ARHGAP18: variants seen among roughly 807,000 people sequenced by gnomAD.
The protein encoded by ARHGAP18 is rho GTPase-activating protein 18.
In ARHGAP18, 67 loss-of-function variants were observed where a neutral mutation model predicts 86.2. That is an observed-to-expected ratio of 0.78 (90% CI 0.64 to 0.95). The LOEUF is 0.95. ARHGAP18 is among the 40% of genes least tolerant of loss of function. ARHGAP18 has a pLI of 0.00. For missense variants in ARHGAP18, 691 were observed against 780.4 expected (o/e 0.89, Z 1.37); for synonymous variants, 283 against 280.4 (o/e 1.01, Z -0.09).
intron 4 of ARHGAP18, among the ~76,000 whole-genome samples, 186 bp from the exon 5 acceptor site, chr6:129,629,708 G>A (rs1006376366): frequency 6.6e-6 from 1 of 152,172 alleles, no homozygotes; most frequent in Non-Finnish European, 1.5e-5. Flanking sequence ...GAAGTGGGCA[G>A]GGAGACTGTG....
Position 129,637,120 on chromosome 6 carries a change from G to A in ARHGAP18, c.552+1274C>T, listed in dbSNP as rs541204160. ...CACTTTGTCACCCAGCCTGGAGTGC[G>A]GTGGCATGAACACAGCTCACTGCAG... On this transcript the variant is annotated intron_variant, in intron 3 of 14. Transcript: ENST00000368149. Among the ~76,000 whole-genome samples, 10 of 151,616 alleles carry A rather than the reference G, an allele frequency of 6.6e-5. No individual in the cohort carries two copies. The South Asian group carries it at 1.7e-3, about 25-fold the overall frequency.
At chr6:129,681,065 G>T (rs1023478048) in intron 1 of ARHGAP18, among the ~76,000 whole-genome samples, 1 of 152,080 alleles carries the variant, frequency 6.6e-6, no homozygotes, top group African/African-American at 2.4e-5. Context: ...TCCTTAATCA[G>T]AAGTTTTTTT....
intron 2 of ARHGAP18, among the ~76,000 whole-genome samples, chr6:129,640,067 A>C (rs1038925833): frequency 1.3e-5 from 2 of 150,826 alleles, no homozygotes; most frequent in African/African-American, 4.9e-5. Flanking sequence ...AAAAAAAACA[A>C]ACAAAAGTCA....
chr6:129,708,261 G>A (rs1428781590), intron 1 of ARHGAP18, among the ~76,000 whole-genome samples: 1 of 152,138 alleles, frequency 6.6e-6, no homozygotes, highest in African/African-American at 2.4e-5. Flanking sequence ...GGGAAGTTGG[G>A]TCTGGTATGG....
chr6:129,603,019 T>C (rs1334437757), intron 10 of ARHGAP18, among the ~76,000 whole-genome samples: 2 of 150,292 alleles, frequency 1.3e-5, no homozygotes, highest in African/African-American at 2.4e-5. Context: ...TCAATAGTTT[T>C]TGGGATATAG....
chr6:129,638,648 G>A lies in ARHGAP18; in HGVS notation c.317-19C>T, dbSNP rs1773384798. 1 of 1,596,280 alleles carries A rather than the reference G, an allele frequency of 6.3e-7. No homozygotes were observed. The highest frequency in any genetic ancestry group is 1.1e-5 in the South Asian group (1 of 87,916). The stretch of plus-strand genomic sequence containing the variant: ...TCTCCCTCTAAGACAGTAGAGAAAA[G>A]TGGTACTTAAATCACAAAATATAAC... On this transcript the variant is annotated intron_variant, in intron 2 of 14. Transcript: ENST00000368149.
intron 6 of ARHGAP18, among the ~76,000 whole-genome samples, chr6:129,616,898 G>A (rs758608008): frequency 4.6e-5 from 7 of 152,152 alleles, no homozygotes; most frequent in Non-Finnish European, 8.8e-5. Flanking sequence ...TGAGGCTACG[G>A]TGAGCCGTCA....
intron 1 of ARHGAP18, among the ~76,000 whole-genome samples, chr6:129,666,992 C>A (rs989417522): frequency 2.0e-5 from 3 of 150,956 alleles, no homozygotes; most frequent in Non-Finnish European, 4.4e-5. Flanking sequence ...TACAAATACT[C>A]CTTTGTTAAA....
intron 1 of ARHGAP18, among the ~76,000 whole-genome samples, chr6:129,683,197 G>A (rs865887383): frequency 3.3e-5 from 5 of 151,492 alleles, no homozygotes; most frequent in South Asian, 2.1e-4. Flanking sequence ...TCAGCCTCCC[G>A]AGTAGCTGGG....
At chr6:129,612,409 C>T (rs1395730666) in intron 7 of ARHGAP18, among the ~76,000 whole-genome samples, 2 of 152,160 alleles carry the variant, frequency 1.3e-5, no homozygotes, top group Non-Finnish European at 2.9e-5. Context: ...CATTTCCTAG[C>T]ATCATATAGG....
intron 1 of ARHGAP18, among the ~76,000 whole-genome samples, chr6:129,650,928 G>A (rs891185694): frequency 3.3e-5 from 5 of 152,064 alleles, no homozygotes; most frequent in African/African-American, 7.2e-5. Flanking sequence ...CAGCCTCCCC[G>A]CATTCCTTAC....
At chr6:129,622,459 A>T (rs940913771) in intron 5 of ARHGAP18, among the ~76,000 whole-genome samples, 1 of 152,218 alleles carries the variant, frequency 6.6e-6, no homozygotes, top group Non-Finnish European at 1.5e-5. Context: ...CTGAAATATT[A>T]TTAATTCAAA....
chr6:129,601,809 A>C (rs1409075232), intron 10 of ARHGAP18, among the ~76,000 whole-genome samples: 1 of 147,234 alleles, frequency 6.8e-6, no homozygotes, highest in East Asian at 1.9e-4. Flanking sequence ...TTGATTTTTC[A>C]TAGAGGCAAA....
intron 12 of ARHGAP18, among the ~76,000 whole-genome samples, chr6:129,592,824 C>G (rs966095466): frequency 6.6e-6 from 1 of 151,974 alleles, no homozygotes; most frequent in African/African-American, 2.4e-5. Flanking sequence ...TCTTAGTAGG[C>G]AGAGATGCAA....
chr6:129,608,064 G>GAAAAA lies in ARHGAP18; in HGVS notation c.1123-17_1123-13dup, dbSNP rs577070164. The GAAAAA allele has an allele frequency of 3.9e-3, 3,852 of 983,308 alleles. 5 individuals carry two copies. Among genetic ancestry groups the GAAAAA allele is most frequent in the Non-Finnish European group, 4.4e-3 (3,538 of 805,378 alleles). 60.9% of individuals were successfully genotyped at this position (983,308 alleles called of 1,614,324 possible). A position where few individuals can be genotyped will look rare whatever the true frequency, so the allele number is the denominator to read the frequency against. The stretch of plus-strand genomic sequence containing the variant: ...TCTTGGCAAAGATTCTGATAGGCAC[G>GAAAAA]AAAAAAAAAAAAAAAAAAAAAAGAA... On this transcript the variant is annotated splice_polypyrimidine_tract_variant and intron_variant, in intron 8 of 14. Coordinates refer to ENST00000368149, the MANE Select transcript of ARHGAP18 (RefSeq NM_033515.3).
At chr6:129,656,390 T>A (rs1054390460) in intron 1 of ARHGAP18, among the ~76,000 whole-genome samples, 1 of 152,132 alleles carries the variant, frequency 6.6e-6, no homozygotes, top group Non-Finnish European at 1.5e-5. Flanking sequence ...ATGCCTGTAA[T>A]CCCAGCACTT....
chr6:129,599,417 A>C, intron 11 of ARHGAP18, 61 bp from the exon 12 acceptor site: 2 of 1,312,992 alleles, frequency 1.5e-6, no homozygotes, highest in Non-Finnish European at 2.0e-6. Context: ...TTAAACTACA[A>C]AAAAAAATTA....
At chr6:129,655,399 A>T (rs982751127) in intron 1 of ARHGAP18, among the ~76,000 whole-genome samples, 6 of 151,792 alleles carry the variant, frequency 4.0e-5, no homozygotes, top group Non-Finnish European at 5.9e-5. Flanking sequence ...GTTATAAAAG[A>T]TGATGAAAGG....
At chr6:129,644,784 G>C (rs1773545302) in intron 1 of ARHGAP18, among the ~76,000 whole-genome samples, 1 of 152,198 alleles carries the variant, frequency 6.6e-6, no homozygotes, top group African/African-American at 2.4e-5. Context: ...CATTAAGATA[G>C]CATGTGCAGA....
Sources: gnomAD v4.1 joint callset for allele counts (sites outside exome capture counted in the v4.1 genomes callset) on GRCh38, gnomAD v4.1.1 for gene constraint, MANE v1.5 for transcripts, NCBI Gene and HGNC (gene_info 2026-07-23, HGNC 2026-07-21) for gene names.